The following CDC25B variants were observed in gnomAD, a reference collection of about 807,000 sequenced individuals.
The protein encoded by CDC25B is M-phase inducer phosphatase 2.
Under a neutral mutation model 69.8 loss-of-function variants are expected in CDC25B, and 33 were observed. The ratio of observed to expected loss-of-function variants is 0.47; its 90% CI spans 0.36 to 0.63. The LOEUF is 0.63. Among genes scored for constraint, CDC25B ranks in the 30% least tolerant of loss-of-function variants. The pLI, the probability that CDC25B is intolerant of heterozygous loss-of-function variation, is 0.00. For missense variants in CDC25B, 727 were observed against 809.1 expected (o/e 0.90, Z 1.23); for synonymous variants, 341 against 314.6 (o/e 1.08, Z -0.89).
At chr20:3,789,286 G>A (rs889822620) in intron 1 of CDC25B, among the ~76,000 whole-genome samples, 7 of 152,340 alleles carry the variant, frequency 4.6e-5, no homozygotes, top group African/African-American at 1.4e-4. Flanking sequence ...CCAGGACGGA[G>A]TACAGTTGCA....
chr20:3,794,218 G>A (rs911485590), upstream of CDC25B, among the ~76,000 whole-genome samples: 3 of 150,750 alleles, frequency 2.0e-5, no homozygotes, highest in South Asian at 2.1e-4. Context: ...CCCACCAGCG[G>A]TGTAAAAGTG....
intron 15 of CDC25B, 44 bp from the exon 16 acceptor site, chr20:3,804,777 A>G (rs2089417492): frequency 6.2e-7 from 1 of 1,610,596 alleles, no homozygotes; most frequent in African/African-American, 1.3e-5. Context: ...GTCCCTGCCA[A>G]ACTTACCCAT....
At chr20:3,792,454 A>G (rs953311275), upstream of CDC25B, among the ~76,000 whole-genome samples, 5 of 151,726 alleles carry the variant, frequency 3.3e-5, no homozygotes, top group African/African-American at 1.2e-4. Context: ...CTCCAGAGTC[A>G]CTTGGATTTT....
In CDC25B at chr20:3,800,752, C is replaced by G; in HGVS notation, c.469C>G (p.Leu157Val). The G allele has an allele frequency of 6.2e-7, 1 of 1,609,358 alleles. No individual in the cohort carries two copies. Among genetic ancestry groups the G allele is most frequent in the Non-Finnish European group, 8.5e-7 (1 of 1,179,996 alleles). ...CTGCCTGGCTCTCTAGGTGAGGCTG[C>G]TGGGCCACAGCCCCGTGCTTCGGAA... ...RRFQSMPVRL[L>V]GHSPVLRNIT... The change falls in exon 6 of 16, where the codon CTG becomes GTG. Residue 157 changes from leucine (L) to valine (V), a missense_variant. Leu to Val is a conservative substitution (Grantham distance 32). Transcript: ENST00000245960.
At chr20:3,800,363 AG>A (rs760444287) in intron 4 of CDC25B, 34 bp downstream of exon 4, 1 of 1,613,884 alleles carries the variant, frequency 6.2e-7, no homozygotes, top group African/African-American at 1.3e-5. Context: ...ATCTACCACA[AG>A]CTTTCCCTTA....
chr20:3,789,943 C>T (rs1348887357), intron 1 of CDC25B, among the ~76,000 whole-genome samples: 9 of 151,318 alleles, frequency 5.9e-5, no homozygotes, highest in African/African-American at 1.9e-4. Context: ...GAGCGGAGAT[C>T]GCGCCACTGC....
At chr20:3,796,160 G>A (rs949007299), upstream of CDC25B, 7 of 1,132,138 alleles carry the variant, frequency 6.2e-6, no homozygotes, top group African/African-American at 1.6e-5. Flanking sequence ...CCCACCCAAA[G>A]CCTGGAAATC....
At position 3,800,734 on chromosome 20, in the gene CDC25B, G is replaced by A. The variant is rs1244807541; in HGVS notation, c.460-9G>A. On this transcript the variant is annotated splice_polypyrimidine_tract_variant and intron_variant, in intron 5 of 15. Coordinates refer to ENST00000245960, the MANE Select transcript of CDC25B (RefSeq NM_021873.4). The stretch of plus-strand genomic sequence containing the variant: ...ATTCCTCTGCCTGCCGCCCTGCCTG[G>A]CTCTCTAGGTGAGGCTGCTGGGCCA... The A allele has an allele frequency of 1.2e-6, 2 of 1,606,976 alleles. No homozygotes were observed. The highest frequency in any genetic ancestry group is 1.7e-6 in the Non-Finnish European group (2 of 1,179,748).
upstream of CDC25B, among the ~76,000 whole-genome samples, chr20:3,791,556 G>A (rs913102676): frequency 3.3e-5 from 5 of 152,040 alleles, no homozygotes; most frequent in Admixed American, 1.3e-4. Context: ...AGTGGGATGC[G>A]CCTGTAGTCA....
At chr20:3,799,417 A>G (rs2089182051) in intron 3 of CDC25B, among the ~76,000 whole-genome samples, 1 of 151,890 alleles carries the variant, frequency 6.6e-6, no homozygotes, top group Admixed American at 6.5e-5. Context: ...CATCCCCCTC[A>G]TACTTTATCC....
intron 3 of CDC25B, among the ~76,000 whole-genome samples, chr20:3,799,201 C>A (rs1293767415): frequency 6.6e-6 from 1 of 152,226 alleles, no homozygotes; most frequent in Non-Finnish European, 1.5e-5. Context: ...TCTTACCTCC[C>A]ATTGCCTTTG....
intron 10 of CDC25B, 84 bp from the exon 11 acceptor site, chr20:3,802,197 G>A (rs1457137949): frequency 6.4e-7 from 1 of 1,552,088 alleles, no homozygotes. Context: ...GCCTGGGCAT[G>A]GCAGAGAAAG....
rs2089378511 is a variant in CDC25B, at chr20:3,803,845, T to G, written c.1490+308T>G. On this transcript the variant is annotated intron_variant, in intron 14 of 15. Transcript: ENST00000245960. This position sits in a 1 kb window ranked among gnomAD's most constrained non-coding sequence, Gnocchi z 4.9. ...CTAAGGGCCGCGTGTCAGTCCCCAG[T>G]ACACGGACCCTCCCCATGTTCAGTG... Among the ~76,000 whole-genome samples the G allele has an allele frequency of 6.6e-6, 1 of 152,226 alleles. No homozygotes were observed. The highest frequency in any genetic ancestry group is 2.1e-4 in the South Asian group (1 of 4,832).
chr20:3,790,587 C>T (rs1213870880), intron 1 of CDC25B, among the ~76,000 whole-genome samples: 2 of 151,044 alleles, frequency 1.3e-5, no homozygotes, highest in Admixed American at 6.6e-5. Flanking sequence ...TTTGGGAGGC[C>T]GAGGCGGGTG....
At chr20:3,798,707 A>C (rs1174328222) in intron 3 of CDC25B, among the ~76,000 whole-genome samples, 1 of 152,124 alleles carries the variant, frequency 6.6e-6, no homozygotes, top group Non-Finnish European at 1.5e-5. Flanking sequence ...GATAGTGGGG[A>C]CAGTGGCCAC....
chr20:3,796,781 A>G (rs780305987), intron 1 of CDC25B, 50 bp downstream of exon 1: 2 of 1,516,940 alleles, frequency 1.3e-6, no homozygotes, highest in African/African-American at 2.8e-5. Flanking sequence ...CTAGGTCTGG[A>G]GTCCTGGGCC....
chr20:3,803,154 T>G lies in CDC25B; in HGVS notation c.1304T>G (p.Phe435Cys). The change falls in exon 13 of 16, where the codon TTT becomes TGT. Residue 435 changes from phenylalanine (F) to cysteine (C), a missense_variant. Phe to Cys is a radical substitution (Grantham distance 205). Transcript: ENST00000245960. The surrounding 1 kb of genome is among the most constrained non-coding windows in gnomAD (Gnocchi z 4.9). Reference protein sequence around the residue: ...TGKFSNIVDKFVIVDCRYPYE... With the variant: ...TGKFSNIVDKCVIVDCRYPYE... ...AAGTTCAGCAACATCGTGGATAAGTTTGTGATTGTAGACTGCAGATACCCC... is the reference window on the plus strand; with the variant it reads ...AAGTTCAGCAACATCGTGGATAAGTGTGTGATTGTAGACTGCAGATACCCC... 6.2e-7 allele frequency: 1 copy of G among 1,613,946 alleles called. No homozygotes were observed. Among genetic ancestry groups the G allele is most frequent in the Non-Finnish European group, 8.5e-7 (1 of 1,179,952 alleles).
At chr20:3,798,648 G>A (rs2089154481) in intron 3 of CDC25B, among the ~76,000 whole-genome samples, 185 bp downstream of exon 3, 1 of 152,200 alleles carries the variant, frequency 6.6e-6, no homozygotes. Flanking sequence ...CTGTCTCAGA[G>A]AAGGATCTGC....
At position 3,796,718 on chromosome 20, in the gene CDC25B, G is replaced by T; in HGVS notation, c.187G>T (p.Ala63Ser). The change falls in exon 1 of 16, where the codon GCC becomes TCC. Residue 63 changes from alanine to serine, a missense_variant. Around this residue, in one of 2 missense-constraint regions of CDC25B, gnomAD observed 368 missense variants for 345.6 expected, o/e 1.06. Coordinates refer to ENST00000245960, the MANE Select transcript of CDC25B (RefSeq NM_021873.4). ...CCTCACCCAGACCATGCACGACCTCGCCGGGCTCGGCAGGTAGGACACCCC... is the reference window on the plus strand; with the variant it reads ...CCTCACCCAGACCATGCACGACCTCTCCGGGCTCGGCAGGTAGGACACCCC... ...TTLTQTMHDL[A>S]GLGSETPKSQ... 6.4e-7 allele frequency: 1 copy of T among 1,568,530 alleles called. No homozygotes were observed. The highest frequency in any genetic ancestry group is 1.1e-5 in the South Asian group (1 of 87,286).
Sources: gnomAD v4.1 joint callset for allele counts (sites outside exome capture counted in the v4.1 genomes callset) on GRCh38, gnomAD v4.1.1 for gene constraint, gnomAD v4.1.1 regional missense constraint, Gnocchi (gnomAD v3.1) non-coding constraint, MANE v1.5 for transcripts, NCBI Gene and HGNC (gene_info 2026-07-23, HGNC 2026-07-21) for gene names.